Variants in TNKS observed in about 807,000 individuals in gnomAD.
TNKS encodes the protein tankyrase, also known as poly [ADP-ribose] polymerase tankyrase-1.
A neutral mutation model predicts 135.8 loss-of-function variants in TNKS; 72 were observed. The ratio of observed to expected loss-of-function variants is 0.53; its 90% CI spans 0.44 to 0.64. The LOEUF (loss-of-function observed/expected upper bound fraction) is 0.64, where lower values mean the gene tolerates loss of function less well. Among genes scored for constraint, TNKS ranks in the 30% least tolerant of loss-of-function variants. The pLI, the probability that TNKS is intolerant of heterozygous loss-of-function variation, is 0.00. For synonymous variants in TNKS, 849 were observed against 649.3 expected (o/e 1.31, Z -4.68); for missense variants, 1,769 against 1,674.0 (o/e 1.06, Z -0.99).
intron 2 of TNKS, among the ~76,000 whole-genome samples, chr8:9,583,596 C>G (rs967243858): frequency 6.6e-6 from 1 of 151,916 alleles, no homozygotes; most frequent in Non-Finnish European, 1.5e-5. Context: ...TCAAGTGATT[C>G]TCCTGCCTCA....
intron 3 of TNKS, among the ~76,000 whole-genome samples, chr8:9,667,839 G>GTTTTTTTTTTTTTTTTTTTTTTTTTTT (rs35555078): frequency 1.6e-5 from 2 of 127,520 alleles, no homozygotes; most frequent in Admixed American, 7.7e-5. Flanking sequence ...GCCCTTCTGG[G>GTTTTTTTTTTTTTTTTTTTTTTTTTTT]TTTTTTTTTT....
rs1446063018 is a variant in TNKS, at chr8:9,633,294, T to C, written c.994+17617T>C. Among the ~76,000 whole-genome samples, 5 of 152,184 alleles carry C rather than the reference T, an allele frequency of 3.3e-5. No homozygotes were observed. The East Asian group carries it at 5.8e-4, about 18-fold the overall frequency. On this transcript the variant is annotated intron_variant, in intron 3 of 26. Coordinates refer to ENST00000310430, the MANE Select transcript of TNKS (RefSeq NM_003747.3). ...GTAATAGGTTATTCATTGTTTGTAA[T>C]TGCAAAATATTGGAGCCTGCCTAAG...
chr8:9,630,126 A>G (rs1585252729), intron 3 of TNKS, among the ~76,000 whole-genome samples: 1 of 152,018 alleles, frequency 6.6e-6, no homozygotes, highest in South Asian at 2.1e-4. Context: ...CAGTGATTTC[A>G]TTTACTTACT....
intron 3 of TNKS, chr8:9,670,339 G>T (rs539930700): frequency 6.6e-6 from 1 of 152,188 alleles, no homozygotes; most frequent in Non-Finnish European, 1.5e-5. Context: ...GAAATGGAAG[G>T]TGGAGATGTT....
At chr8:9,677,835 A>C (rs1323573949) in intron 3 of TNKS, among the ~76,000 whole-genome samples, 1 of 152,062 alleles carries the variant, frequency 6.6e-6, no homozygotes. Context: ...CCTTTGCTTC[A>C]GATACACAGA....
chr8:9,580,886 A>G (rs1798139081), intron 2 of TNKS, among the ~76,000 whole-genome samples: 1 of 152,182 alleles, frequency 6.6e-6, no homozygotes, highest in African/African-American at 2.4e-5. Context: ...TTTCAAACAA[A>G]TTGGACTTTT....
At chr8:9,764,506 T>C (rs964790008) in intron 22 of TNKS, among the ~76,000 whole-genome samples, 4 of 152,186 alleles carry the variant, frequency 2.6e-5, no homozygotes, top group African/African-American at 9.6e-5. Flanking sequence ...GAAAACTCTT[T>C]CAGAACTTTT....
At chr8:9,775,996 C>T (rs1029000652) in intron 26 of TNKS, among the ~76,000 whole-genome samples, 1 of 151,396 alleles carries the variant, frequency 6.6e-6, no homozygotes. Flanking sequence ...CCTCCTTTTT[C>T]CTGCTCCCAC....
intron 6 of TNKS, among the ~76,000 whole-genome samples, 154 bp downstream of exon 6, chr8:9,704,911 G>A (rs2128807428): frequency 6.6e-6 from 1 of 152,230 alleles, no homozygotes; most frequent in African/African-American, 2.4e-5. Flanking sequence ...TTATTTTCAT[G>A]TACCTACTTA....
At chr8:9,575,305 T>A in intron 1 of TNKS, 1 of 756,830 alleles carries the variant, frequency 1.3e-6, no homozygotes, top group Non-Finnish European at 1.6e-6. Context: ...TAGGATGGTC[T>A]CGATTTCCTG....
intron 2 of TNKS, among the ~76,000 whole-genome samples, chr8:9,614,671 A>G (rs776767711): frequency 3.9e-5 from 6 of 152,168 alleles, no homozygotes; most frequent in Non-Finnish European, 8.8e-5. Flanking sequence ...ATAACTTACA[A>G]TTGAATTTTA....
chr8:9,600,885 A>G (rs981919243), intron 2 of TNKS, among the ~76,000 whole-genome samples: 3 of 152,198 alleles, frequency 2.0e-5, no homozygotes, highest in Admixed American at 1.3e-4. Flanking sequence ...AGTCAGCATT[A>G]TTACAGAATC....
At chr8:9,625,730 C>G (rs1302185267) in intron 3 of TNKS, among the ~76,000 whole-genome samples, 2 of 152,028 alleles carry the variant, frequency 1.3e-5, no homozygotes, top group East Asian at 1.9e-4. Context: ...TAGTTTGATT[C>G]CATTGTGCTT....
chr8:9,580,380 A>G lies in TNKS; in HGVS notation c.895A>G (p.Ile299Val), dbSNP rs1026540490. Residue 299 changes from isoleucine (I) to valine (V), a missense_variant, in exon 2 of 27, where the codon ATT becomes GTT. Ile to Val is a conservative substitution (Grantham distance 29). This residue lies in a region of TNKS where 523 missense variants were observed against 541.0 expected (regional missense o/e 0.97). Coordinates refer to ENST00000310430, the MANE Select transcript of TNKS (RefSeq NM_003747.3). ...TATTAAAGGGAAGATCGATGTGTGCATTGGTAAGTATCATTTGATGATATC... is the reference window on the plus strand; with the variant it reads ...TATTAAAGGGAAGATCGATGTGTGCGTTGGTAAGTATCATTTGATGATATC... ...AAIKGKIDVC[I>V]VLLQHGADPN... is the part of the protein sequence containing the mutation. 1.6e-5 allele frequency: 26 copies of G among 1,612,880 alleles called. No homozygotes were observed. In the African/African-American group the frequency reaches 2.8e-4, roughly 17 times the overall value.
At chr8:9,602,426 A>T (rs1315431731) in intron 2 of TNKS, among the ~76,000 whole-genome samples, 2 of 152,220 alleles carry the variant, frequency 1.3e-5, no homozygotes, top group African/African-American at 4.8e-5. Flanking sequence ...ACGCCTCCTC[A>T]CAAATGGGAA....
chr8:9,715,905 A>G (rs1021984152), intron 11 of TNKS, among the ~76,000 whole-genome samples: 3 of 152,168 alleles, frequency 2.0e-5, no homozygotes, highest in Non-Finnish European at 4.4e-5. Context: ...TTTCTTTATT[A>G]TGGTTAGTCT....
chr8:9,634,241 T>G (rs923578716), intron 3 of TNKS, among the ~76,000 whole-genome samples: 12 of 151,994 alleles, frequency 7.9e-5, no homozygotes, highest in African/African-American at 2.9e-4. Context: ...AATTTTAATT[T>G]CTGGAGGCAT....
rs182925876 is a variant in TNKS, at chr8:9,604,432, A to G, written c.899-11150A>G. ...AGCTGCAAAATAATTGCTTTTTGCA[A>G]GTTGGTAGTAGAATTAAATAGAATT... On this transcript the variant is annotated intron_variant, in intron 2 of 26. Transcript: ENST00000310430. 3.0e-4 allele frequency among the ~76,000 whole-genome samples: 45 copies of G among 152,250 alleles called. No individual in the cohort carries two copies. In the East Asian group the frequency reaches 7.9e-3, roughly 27 times the overall value.
rs1808472888 is a variant in TNKS, at chr8:9,781,898, G to A, written c.*5162G>A. 6.6e-6 allele frequency: 1 copy of A among 152,498 alleles called. No homozygotes were observed. The highest frequency in any genetic ancestry group is 1.5e-5 in the Non-Finnish European group (1 of 68,018). 9.4% of individuals were successfully genotyped at this position (152,498 alleles called of 1,614,324 possible). On this transcript the variant is annotated 3_prime_UTR_variant, in exon 27 of 27. Transcript: ENST00000310430. ...CTTTTTTGTATTTATCTATTTGTAG[G>A]ATTGTCAGATCAAGTACAAGATGCC...
Sources: allele counts gnomAD v4.1 joint callset (sites outside exome capture counted in the v4.1 genomes callset), GRCh38; gene constraint gnomAD v4.1.1; regional missense constraint gnomAD v4.1.1; transcripts MANE v1.5; gene names NCBI Gene and HGNC (gene_info 2026-07-23, HGNC 2026-07-21).